The following CAMTA1 variants were observed in gnomAD, a reference collection of about 807,000 sequenced individuals.
CAMTA1 encodes calmodulin binding transcription activator 1, also known as calmodulin-binding transcription activator 1.
In CAMTA1, 27 loss-of-function variants were observed where a neutral mutation model predicts 170.9. The ratio of observed to expected loss-of-function variants is 0.16; its 90% CI spans 0.12 to 0.22. The LOEUF is 0.22. Among genes scored for constraint, CAMTA1 ranks in the 10% least tolerant of loss-of-function variants. The pLI, the probability that CAMTA1 is intolerant of heterozygous loss-of-function variation, is 1.00. For missense variants in CAMTA1, 1,619 were observed against 2,217.2 expected (o/e 0.73, Z 5.42); for synonymous variants, 833 against 891.5 (o/e 0.93, Z 1.17).
At chr1:7,556,774 T>C (rs1440950287) in intron 6 of CAMTA1, among the ~76,000 whole-genome samples, 1 of 151,788 alleles carries the variant, frequency 6.6e-6, no homozygotes, top group African/African-American at 2.4e-5. Context: ...AAGAACCAGC[T>C]CCCCTCCCTC....
At chr1:7,011,456 C>G (rs1038935441) in intron 3 of CAMTA1, among the ~76,000 whole-genome samples, 2 of 152,194 alleles carry the variant, frequency 1.3e-5, no homozygotes, top group Non-Finnish European at 2.9e-5. Flanking sequence ...CTAGCGCCCT[C>G]TGAGACCCTT....
chr1:7,545,508 C>G lies in CAMTA1; in HGVS notation c.510+77607C>G, dbSNP rs576063306. On this transcript the variant is annotated intron_variant, in intron 6 of 22. Coordinates refer to ENST00000303635, the MANE Select transcript of CAMTA1 (RefSeq NM_015215.4). ...TCATTTTGTCATTGACTTTTGTGAC[C>G]TTGACATTTTTGAAGATTACAGACC... Among the ~76,000 whole-genome samples, 4 of 152,242 alleles carry G rather than the reference C, an allele frequency of 2.6e-5. No individual in the cohort carries two copies. In the East Asian group the frequency reaches 7.7e-4, roughly 29 times the overall value.
intron 11 of CAMTA1, among the ~76,000 whole-genome samples, chr1:7,729,980 G>A (rs2096719494): frequency 6.6e-6 from 1 of 152,172 alleles, no homozygotes; most frequent in African/African-American, 2.4e-5. Context: ...TTTGAAAATA[G>A]TTATGTTCTC....
intron 3 of CAMTA1, among the ~76,000 whole-genome samples, chr1:6,891,680 A>G (rs928620217): frequency 4.6e-5 from 7 of 152,188 alleles, no homozygotes; most frequent in Non-Finnish European, 8.8e-5. Flanking sequence ...AAACAAAACA[A>G]AAAGTTTTTT....
At chr1:7,235,499 C>T (rs540123512) in intron 4 of CAMTA1, among the ~76,000 whole-genome samples, 6 of 152,190 alleles carry the variant, frequency 3.9e-5, no homozygotes, top group South Asian at 2.1e-4. Context: ...GTTTGGTGGG[C>T]GCCTGTTGTC....
intron 4 of CAMTA1, among the ~76,000 whole-genome samples, chr1:7,148,671 C>G (rs905754419): frequency 1.3e-5 from 2 of 152,214 alleles, no homozygotes; most frequent in Non-Finnish European, 2.9e-5. Context: ...GCCCAGTGTG[C>G]CCTTCCTTTG....
At chr1:7,305,651 T>C (rs1204418416) in intron 5 of CAMTA1, among the ~76,000 whole-genome samples, 2 of 152,200 alleles carry the variant, frequency 1.3e-5, no homozygotes, top group East Asian at 3.9e-4. Context: ...TTCCTGGATA[T>C]ATAAGTTTGG....
At chr1:7,416,351 G>A (rs1327537047) in intron 5 of CAMTA1, among the ~76,000 whole-genome samples, 1 of 152,240 alleles carries the variant, frequency 6.6e-6, no homozygotes, top group African/African-American at 2.4e-5. Flanking sequence ...ATCCTGCAGA[G>A]TGTTTTCCAA....
chr1:7,490,901 C>T (rs1271065782), intron 6 of CAMTA1, among the ~76,000 whole-genome samples: 1 of 152,186 alleles, frequency 6.6e-6, no homozygotes, highest in Non-Finnish European at 1.5e-5. Context: ...AGGACATAAC[C>T]CCAAAGCAGT....
chr1:7,676,619 A>G (rs1043537684), intron 10 of CAMTA1, among the ~76,000 whole-genome samples: 1 of 152,226 alleles, frequency 6.6e-6, no homozygotes, highest in Non-Finnish European at 1.5e-5. Context: ...ATCCCCACGC[A>G]TGTCCTCCCT....
chr1:6,896,133 G>A (rs986938860), intron 3 of CAMTA1, among the ~76,000 whole-genome samples: 1 of 151,960 alleles, frequency 6.6e-6, no homozygotes, highest in Admixed American at 6.6e-5. Flanking sequence ...TTTTTGAACC[G>A]TTTGGGAAAA....
intron 6 of CAMTA1, among the ~76,000 whole-genome samples, chr1:7,519,138 G>A (rs2094326973): frequency 6.6e-6 from 1 of 152,112 alleles, no homozygotes; most frequent in East Asian, 1.9e-4. Flanking sequence ...CTAATTAGAA[G>A]TCTTCTCAAA....
At chr1:6,873,981 T>C (rs1669114229) in intron 3 of CAMTA1, 1 of 152,242 alleles carries the variant, frequency 6.6e-6, no homozygotes, top group Admixed American at 6.5e-5. Context: ...TCAGAAGACT[T>C]TCATTTTGGT....
chr1:7,410,688 T>C (rs1202378929), intron 5 of CAMTA1, among the ~76,000 whole-genome samples: 4 of 152,234 alleles, frequency 2.6e-5, no homozygotes, highest in Admixed American at 2.6e-4. Flanking sequence ...TCCTTGAGTG[T>C]GGACCACTTG....
chr1:7,139,120 T>C (rs949206070), intron 4 of CAMTA1, among the ~76,000 whole-genome samples: 1 of 129,130 alleles, frequency 7.7e-6, no homozygotes, highest in African/African-American at 3.1e-5. Flanking sequence ...AAACAAAATA[T>C]ATTTTTATAA....
chr1:7,684,457 A>G (rs1317687523), intron 11 of CAMTA1, among the ~76,000 whole-genome samples: 1 of 152,170 alleles, frequency 6.6e-6, no homozygotes, highest in African/African-American at 2.4e-5. Context: ...GCCAGAGTTC[A>G]AGGTCCCAGA....
intron 5 of CAMTA1, among the ~76,000 whole-genome samples, chr1:7,291,812 C>G (rs1673179149): frequency 6.6e-6 from 1 of 152,214 alleles, no homozygotes; most frequent in Non-Finnish European, 1.5e-5. Flanking sequence ...GGCTTCTTAG[C>G]TGAAACTCTA....
At chr1:6,866,729 C>T (rs977763123) in intron 3 of CAMTA1, among the ~76,000 whole-genome samples, 38 of 152,000 alleles carry the variant, frequency 2.5e-4, no homozygotes, top group African/African-American at 8.9e-4. Flanking sequence ...CTCTTTTTAG[C>T]GAAACTATGT....
At chr1:7,751,159 C>G (rs1365061558) in intron 19 of CAMTA1, 40 bp from the exon 20 acceptor site, 2 of 1,511,468 alleles carry the variant, frequency 1.3e-6, no homozygotes, top group East Asian at 4.5e-5. Flanking sequence ...CCGTGCAGCC[C>G]CTGTTGTTAC....
Sources: allele counts gnomAD v4.1 joint callset (sites outside exome capture counted in the v4.1 genomes callset), GRCh38; gene constraint gnomAD v4.1.1; transcripts MANE v1.5; gene names NCBI Gene and HGNC (gene_info 2026-07-23, HGNC 2026-07-21).